Variants in ADAMTS14 observed in about 807,000 individuals in gnomAD.
ADAMTS14 encodes ADAM metallopeptidase with thrombospondin type 1 motif 14.
ADAMTS14 carries 100 observed loss-of-function variants against 128.6 expected under a neutral mutation model. The observed-to-expected ratio is 0.78, with a 90% CI of 0.66 to 0.92. The LOEUF (loss-of-function observed/expected upper bound fraction) is 0.92. ADAMTS14 is among the 40% of genes least tolerant of loss of function. The pLI, the probability that ADAMTS14 is intolerant of heterozygous loss-of-function variation, is 0.00. For missense variants in ADAMTS14, 1,562 were observed against 1,658.6 expected (o/e 0.94, Z 1.01); for synonymous variants, 665 against 653.8 (o/e 1.02, Z -0.26).
rs151019683 is a variant in ADAMTS14 at position 70,746,779 on chromosome 10, GTATGGCATGTGAATTA to G, written c.2263+1477_2263+1492del. On this transcript the variant is annotated intron_variant, in intron 15 of 21. Coordinates refer to ENST00000373207, the MANE Select transcript of ADAMTS14 (RefSeq NM_080722.4). ...ATTGTACACCTTATTCGAGTGAGTTGTATGGCATGTGAATTATATCTCGGTTCAAACCCTGTGAGCC... is the reference window on the plus strand; with the variant it reads ...ATTGTACACCTTATTCGAGTGAGTTGTATCTCGGTTCAAACCCTGTGAGCC... Among the ~76,000 whole-genome samples, 667 of 152,276 alleles carry G rather than the reference GTATGGCATGTGAATTA, an allele frequency of 4.4e-3. 1 individual carries two copies. The highest frequency in any genetic ancestry group is 5.7e-3 in the Non-Finnish European group (391 of 68,022).
rs1010476221 is a variant in ADAMTS14, at chr10:70,672,600, C to G, written c.-203C>G. On this transcript the variant is annotated 5_prime_UTR_variant, in exon 1 of 22. Transcript: ENST00000373207. ...TCTCCAGCCGGCAGCCTCGCGCGCC[C>G]GGAGCCAGCGGTCCAGGCGGCGGCG... is the stretch of plus-strand genomic sequence containing the variant. Among the ~76,000 whole-genome samples the G allele has an allele frequency of 2.0e-4, 31 of 151,676 alleles. No homozygotes were observed. Among genetic ancestry groups the G allele is most frequent in the Non-Finnish European group, 4.6e-4 (31 of 67,860 alleles).
chr10:70,757,918 C>T (rs1589347193), intron 19 of ADAMTS14, 44 bp from the exon 20 acceptor site: 4 of 1,553,156 alleles, frequency 2.6e-6, no homozygotes, highest in Non-Finnish European at 2.6e-6. Context: ...CTCCACCTAC[C>T]CTGACCCCGG....
chr10:70,749,706 G>A, intron 15 of ADAMTS14, 116 bp from the exon 16 acceptor site: 1 of 1,330,126 alleles, frequency 7.5e-7, no homozygotes, highest in Non-Finnish European at 1.0e-6. Flanking sequence ...GGGAAGGAAA[G>A]GCCGGTGGAC....
chr10:70,681,341 T>C (rs142165103), intron 2 of ADAMTS14, among the ~76,000 whole-genome samples: 16 of 152,168 alleles, frequency 1.1e-4, no homozygotes, highest in Non-Finnish European at 2.1e-4. Context: ...GGAGTGAGAA[T>C]TGTAGTCATT....
chr10:70,694,522 AC>A (rs1293776611), intron 2 of ADAMTS14, among the ~76,000 whole-genome samples: 2 of 151,806 alleles, frequency 1.3e-5, no homozygotes, highest in Non-Finnish European at 2.9e-5. Context: ...TTAGCTATTC[AC>A]CCCCGATCCA....
intron 3 of ADAMTS14, among the ~76,000 whole-genome samples, chr10:70,704,944 C>T (rs115953478): frequency 8.4e-4 from 127 of 151,908 alleles, no homozygotes; most frequent in African/African-American, 3.0e-3. Context: ...ACATACAGAC[C>T]CCTCTATACA....
At chr10:70,715,086 GT>G (rs1320450156) in intron 4 of ADAMTS14, among the ~76,000 whole-genome samples, 5 of 152,076 alleles carry the variant, frequency 3.3e-5, no homozygotes, top group African/African-American at 1.2e-4. Context: ...GGGAGATGAA[GT>G]TTGTGATAAT....
At position 70,729,307 on chromosome 10, in the gene ADAMTS14, A is replaced by T. The variant is rs772351639; in HGVS notation, c.884A>T (p.Tyr295Phe). ...LTLMNIVDEI[Y>F]HDESLGVHIN... ...TTCTTCTTGCAGGTAGATGAGATTT[A>T]CCACGATGAGTCCCTGGGGGTTCAT... Residue 295 changes from tyrosine to phenylalanine, a missense_variant, in exon 5 of 22, where the codon TAC becomes TTC. Tyr to Phe is a conservative substitution (Grantham distance 22, BLOSUM62 3). Coordinates refer to ENST00000373207, the MANE Select transcript of ADAMTS14 (RefSeq NM_080722.4). 1.2e-6 allele frequency: 2 copies of T among 1,613,786 alleles called. No homozygotes were observed. The highest frequency in any genetic ancestry group is 1.7e-6 in the Non-Finnish European group (2 of 1,179,816).
chr10:70,721,742 T>C (rs1841274477), intron 4 of ADAMTS14, among the ~76,000 whole-genome samples: 1 of 151,854 alleles, frequency 6.6e-6, no homozygotes, highest in Non-Finnish European at 1.5e-5. Flanking sequence ...AGGTGAAGAG[T>C]TCCCCTAACT....
At chr10:70,702,136 C>T (rs1840510808) in intron 2 of ADAMTS14, among the ~76,000 whole-genome samples, 176 bp from the exon 3 acceptor site, 1 of 152,210 alleles carries the variant, frequency 6.6e-6, no homozygotes, top group South Asian at 2.1e-4. Flanking sequence ...CTCCCACTCC[C>T]CTGCCAGGGC....
intron 4 of ADAMTS14, among the ~76,000 whole-genome samples, chr10:70,711,447 G>A (rs1012435738): frequency 1.1e-4 from 17 of 152,192 alleles, no homozygotes; most frequent in South Asian, 4.1e-4. Context: ...AGCCATGGCC[G>A]CTGGAGAAAT....
In ADAMTS14 at chr10:70,760,889, C is replaced by T. The variant is rs780092296; in HGVS notation, c.*36C>T. On this transcript the variant is annotated 3_prime_UTR_variant, in exon 22 of 22. Transcript: ENST00000373207. ...GCCATCCCACTGGCACGTTTACACT[C>T]TGTGTACTGCCCCGTGACTCCCAGC... 2.6e-5 allele frequency: 39 copies of T among 1,527,532 alleles called. No individual in the cohort carries two copies. The highest frequency in any genetic ancestry group is 3.2e-5 in the Non-Finnish European group (36 of 1,136,124). 94.6% of individuals were successfully genotyped at this position (1,527,532 alleles called of 1,614,324 possible).
chr10:70,677,578 C>T (rs1300813098), intron 2 of ADAMTS14, among the ~76,000 whole-genome samples: 1 of 152,090 alleles, frequency 6.6e-6, no homozygotes, highest in Admixed American at 6.5e-5. Context: ...GGGTCCCCCT[C>T]CCCTTGGTGA....
At chr10:70,703,944 A>G (rs1840572201) in intron 3 of ADAMTS14, among the ~76,000 whole-genome samples, 1 of 152,210 alleles carries the variant, frequency 6.6e-6, no homozygotes, top group African/African-American at 2.4e-5. Context: ...TGTGACTTGT[A>G]CTTTTAGTTG....
rs540400454 is a variant in ADAMTS14 at position 70,700,033 on chromosome 10, G to A, written c.523-2279G>A. ...GGTATCAGACACGGGTGCAGAAAGC[G>A]GGATGGGATAAATCATGCAGGGCTT... On this transcript the variant is annotated intron_variant, in intron 2 of 21. Transcript: ENST00000373207. 3.9e-5 allele frequency among the ~76,000 whole-genome samples: 6 copies of A among 152,110 alleles called. No homozygotes were observed. In the East Asian group the frequency reaches 7.8e-4, roughly 20 times the overall value.
rs1264870866 is a variant in ADAMTS14, at chr10:70,691,496, A to C, written c.523-10816A>C. Among the ~76,000 whole-genome samples the C allele has an allele frequency of 1.7e-5, 2 of 115,032 alleles. 1 individual carries two copies. The highest frequency in any genetic ancestry group is 4.4e-5 in the Non-Finnish European group (2 of 45,418). 75.5% of individuals were successfully genotyped at this position (115,032 alleles called of 152,430 possible). Reference sequence around the variant, plus strand: ...CAGAGTGAGACCCTGTTAAAAAAAAAAAAAAAAAAAAAACAAAGAAAAAAA... The same window carrying C: ...CAGAGTGAGACCCTGTTAAAAAAAACAAAAAAAAAAAAACAAAGAAAAAAA... On this transcript the variant is annotated intron_variant, in intron 2 of 21. Transcript: ENST00000373207.
chr10:70,729,416 A>G, intron 5 of ADAMTS14, 39 bp downstream of exon 5: 2 of 1,553,442 alleles, frequency 1.3e-6, no homozygotes, highest in Non-Finnish European at 1.8e-6. Flanking sequence ...TGCGGGGAGA[A>G]GGGTTGTGGG....
intron 2 of ADAMTS14, among the ~76,000 whole-genome samples, chr10:70,683,027 A>G (rs1839860187): frequency 6.6e-6 from 1 of 152,220 alleles, no homozygotes; most frequent in Non-Finnish European, 1.5e-5. Context: ...CTATCTGGCC[A>G]TCTGCTCCTA....
At chr10:70,725,914 TC>T (rs1349259285) in intron 4 of ADAMTS14, among the ~76,000 whole-genome samples, 1 of 151,958 alleles carries the variant, frequency 6.6e-6, no homozygotes, top group Non-Finnish European at 1.5e-5. Context: ...CACTGAGACT[TC>T]CCTGAGCCCT....
Sources: allele counts gnomAD v4.1 joint callset (sites outside exome capture counted in the v4.1 genomes callset), GRCh38; gene constraint gnomAD v4.1.1; transcripts MANE v1.5; gene names NCBI Gene and HGNC (gene_info 2026-07-23, HGNC 2026-07-21).